Variants in JAKMIP1 observed in about 807,000 individuals in gnomAD.
The protein encoded by JAKMIP1 is janus kinase and microtubule-interacting protein 1.
JAKMIP1 carries 33 observed loss-of-function variants against 113.0 expected under a neutral mutation model. That is an observed-to-expected ratio of 0.29 (90% CI 0.22 to 0.39). JAKMIP1 has a LOEUF of 0.39. JAKMIP1 is among the 10% of genes least tolerant of loss of function. JAKMIP1 has a pLI of 1.00. For synonymous variants in JAKMIP1, 480 were observed against 459.9 expected, an observed-to-expected ratio of 1.04 and a Z score of -0.56; for missense variants, 813 against 1,080.5, an observed-to-expected ratio of 0.75 and a Z score of 3.47.
Position 6,106,300 on chromosome 4 carries a change from A to C in JAKMIP1, c.130-333T>G, listed in dbSNP as rs1358870441. 6.6e-6 allele frequency among the ~76,000 whole-genome samples: 1 copy of C among 152,172 alleles called. No homozygotes were observed. The highest frequency in any genetic ancestry group is 2.4e-5 in the African/African-American group (1 of 41,434). ...CAAAACACACCCTGCAGAAATCATC[A>C]CCAAGACCCAAAAGATTGTAAACCA... is the stretch of plus-strand genomic sequence containing the variant. On this transcript the variant is annotated intron_variant, in intron 2 of 20. Coordinates refer to ENST00000409021, the MANE Select transcript of JAKMIP1 (RefSeq NM_001099433.2). This position sits in a 1 kb window ranked among gnomAD's most constrained non-coding sequence, Gnocchi z 5.9.
chr4:6,145,098 A>G (rs1720666285), intron 1 of JAKMIP1, among the ~76,000 whole-genome samples: 1 of 152,226 alleles, frequency 6.6e-6, no homozygotes, highest in Non-Finnish European at 1.5e-5. Flanking sequence ...ACAACGTGAA[A>G]ATGAAATAAG....
At chr4:6,096,057 A>G (rs1211163436) in intron 3 of JAKMIP1, among the ~76,000 whole-genome samples, 1 of 152,184 alleles carries the variant, frequency 6.6e-6, no homozygotes, top group Non-Finnish European at 1.5e-5. Context: ...ACTCAGTGAG[A>G]AAGAACCAGC....
rs944210301 is a variant in JAKMIP1, at chr4:6,153,694, G to A, written c.-147-40697C>T. Among the ~76,000 whole-genome samples, 1 of 152,110 alleles carries A rather than the reference G, an allele frequency of 6.6e-6. No homozygotes were observed. Among genetic ancestry groups the A allele is most frequent in the African/African-American group, 2.4e-5 (1 of 41,414 alleles). ...CTTAGTACTTTTCTTTAACACTACT[G>A]ACTTTTGAAAAACCTGTACACTACT... On this transcript the variant is annotated intron_variant, in intron 1 of 20. Transcript: ENST00000409021. This position sits in a 1 kb window ranked among gnomAD's most constrained non-coding sequence, Gnocchi z 4.9.
rs1720141525 is a variant in JAKMIP1, at chr4:6,141,472, A to C, written c.-147-28475T>G. On this transcript the variant is annotated intron_variant, in intron 1 of 20. Transcript: ENST00000409021. This position sits in a 1 kb window ranked among gnomAD's most constrained non-coding sequence, Gnocchi z 9.4. ...ATAAATAAATACCAAAAAACAAACAAACAAACACAAAAAACAAAGTGGTAG... is the reference window on the plus strand; with the variant it reads ...ATAAATAAATACCAAAAAACAAACACACAAACACAAAAAACAAAGTGGTAG... 6.6e-6 allele frequency among the ~76,000 whole-genome samples: 1 copy of C among 152,176 alleles called. No individual in the cohort carries two copies. The highest frequency in any genetic ancestry group is 6.5e-5 in the Admixed American group (1 of 15,282).
chr4:6,112,071 T>C (rs569164491), intron 2 of JAKMIP1, among the ~76,000 whole-genome samples: 64 of 152,288 alleles, frequency 4.2e-4, no homozygotes, highest in African/African-American at 1.5e-3. Context: ...TTTTGGAATT[T>C]AGGAAAAGCT....
At position 6,142,134 on chromosome 4, in the gene JAKMIP1, T is replaced by C. The variant is rs1347713295; in HGVS notation, c.-147-29137A>G. 1.3e-5 allele frequency among the ~76,000 whole-genome samples: 2 copies of C among 151,862 alleles called. No homozygotes were observed. The highest frequency in any genetic ancestry group is 4.8e-5 in the African/African-American group (2 of 41,352). On this transcript the variant is annotated intron_variant, in intron 1 of 20. Transcript: ENST00000409021. The surrounding 1 kb of genome is among the most constrained non-coding windows in gnomAD (Gnocchi z 5.5). The stretch of plus-strand genomic sequence containing the variant: ...TCCTCTTCATATCATGAAATAAGAA[T>C]TTTCCAAGACGCTCTGAAGAGTGGT...
At chr4:6,068,276 T>G (rs1279529990) in intron 8 of JAKMIP1, among the ~76,000 whole-genome samples, 4 of 152,288 alleles carry the variant, frequency 2.6e-5, no homozygotes, top group South Asian at 4.1e-4. Context: ...TAGAGCAACC[T>G]TAGCAAACAG....
Position 6,076,418 on chromosome 4 carries a change from T to C in JAKMIP1, c.1302+2521A>G, listed in dbSNP as rs1205372782. The stretch of plus-strand genomic sequence containing the variant: ...TTTCTATATTATATATATATATGTC[T>C]TCTGTAGCTGTAAAATTGAAAAAAT... On this transcript the variant is annotated intron_variant, in intron 8 of 20. Transcript: ENST00000409021. This position sits in a 1 kb window ranked among gnomAD's most constrained non-coding sequence, Gnocchi z 4.8. Among the ~76,000 whole-genome samples, 6 of 152,128 alleles carry C rather than the reference T, an allele frequency of 3.9e-5. No homozygotes were observed. The highest frequency in any genetic ancestry group is 3.3e-4 in the Admixed American group (5 of 15,276).
chr4:6,042,431 T>C lies in JAKMIP1; in HGVS notation c.2029-204A>G, dbSNP rs1367684392. ...TCCAGCCTGCATGTGCAGGAGGTCT[T>C]AGGTGTGAGTGTGACATGTACGTGG... On this transcript the variant is annotated intron_variant, in intron 16 of 20. Transcript: ENST00000409021. The surrounding 1 kb of genome is among the most constrained non-coding windows in gnomAD (Gnocchi z 5.2). 2.0e-5 allele frequency among the ~76,000 whole-genome samples: 3 copies of C among 152,016 alleles called. No individual in the cohort carries two copies. The highest frequency in any genetic ancestry group is 2.9e-5 in the Non-Finnish European group (2 of 68,006).
chr4:6,089,226 T>C lies in JAKMIP1; in HGVS notation c.625-3597A>G, dbSNP rs559608017. 3.3e-4 allele frequency among the ~76,000 whole-genome samples: 50 copies of C among 152,348 alleles called. No homozygotes were observed. In the Middle Eastern group the frequency reaches 0.014, roughly 41 times the overall value. ...AACCTGGGATCCTGGATGACATCGTTAGTGCACCTGGAGCTGCACCTACAG... is the reference window on the plus strand; with the variant it reads ...AACCTGGGATCCTGGATGACATCGTCAGTGCACCTGGAGCTGCACCTACAG... On this transcript the variant is annotated intron_variant, in intron 3 of 20. Transcript: ENST00000409021. This position sits in a 1 kb window ranked among gnomAD's most constrained non-coding sequence, Gnocchi z 5.3.
intron 2 of JAKMIP1, among the ~76,000 whole-genome samples, chr4:6,111,833 C>G (rs1714986532): frequency 6.6e-6 from 1 of 152,214 alleles, no homozygotes; most frequent in African/African-American, 2.4e-5. Context: ...AGCTCTTTAC[C>G]TAGCAGAGCC....
At chr4:6,053,674 GT>G in intron 13 of JAKMIP1, 2 of 551,814 alleles carry the variant, frequency 3.6e-6, no homozygotes, top group African/African-American at 2.0e-5. Context: ...TTCCGTCTGG[GT>G]GTGCAGAATG....
At position 6,150,089 on chromosome 4, in the gene JAKMIP1, G is replaced by A. The variant is rs527563621; in HGVS notation, c.-147-37092C>T. Among the ~76,000 whole-genome samples, 42 of 152,282 alleles carry A rather than the reference G, an allele frequency of 2.8e-4. No homozygotes were observed. Among genetic ancestry groups the A allele is most frequent in the African/African-American group, 8.7e-4 (36 of 41,552 alleles). ...ACGCCTACAAGTTTGTGGAGCGCCT[G>A]CCATATGCCAAGCTCTGGGGAAGAA... On this transcript the variant is annotated intron_variant, in intron 1 of 20. Coordinates refer to ENST00000409021, the MANE Select transcript of JAKMIP1 (RefSeq NM_001099433.2). This position sits in a 1 kb window ranked among gnomAD's most constrained non-coding sequence, Gnocchi z 4.8.
At chr4:6,052,939 G>A (rs779350056) in intron 13 of JAKMIP1, among the ~76,000 whole-genome samples, 6 of 152,146 alleles carry the variant, frequency 3.9e-5, no homozygotes, top group African/African-American at 9.7e-5. Flanking sequence ...CTGCCCACAC[G>A]ACAAGGTACA....
intron 8 of JAKMIP1, among the ~76,000 whole-genome samples, chr4:6,071,740 G>C (rs1362437719): frequency 6.6e-6 from 1 of 152,198 alleles, no homozygotes; most frequent in Non-Finnish European, 1.5e-5. Flanking sequence ...GACCGGCACA[G>C]ACGGTGTGTG....
At chr4:6,027,436 G>A (rs6821790) in intron 20 of JAKMIP1, among the ~76,000 whole-genome samples, 16,982 of 152,208 alleles carry the variant, frequency 0.11, 1,040 homozygotes, top group African/African-American at 0.15. Context: ...GGAAGGATTC[G>A]TTAAGACCAT....
chr4:6,148,660 G>A (rs114189683), intron 1 of JAKMIP1, among the ~76,000 whole-genome samples: 1,780 of 152,362 alleles, frequency 0.012, 32 homozygotes, highest in African/African-American at 0.04. Flanking sequence ...GGCTGAGCCT[G>A]CAGGAGCCCC....
rs1282816906 is a variant in JAKMIP1, at chr4:6,193,842, T to C, written c.-148+6411A>G. 2.6e-5 allele frequency among the ~76,000 whole-genome samples: 4 copies of C among 151,958 alleles called. No individual in the cohort carries two copies. Among genetic ancestry groups the C allele is most frequent in the African/African-American group, 9.7e-5 (4 of 41,362 alleles). Reference sequence around the variant, plus strand: ...AGCAGCCAAAGCCCTGGGAAGAAAATGTTAACACCCTGAGCACTGCTTCCA... The same window carrying C: ...AGCAGCCAAAGCCCTGGGAAGAAAACGTTAACACCCTGAGCACTGCTTCCA... On this transcript the variant is annotated intron_variant, in intron 1 of 20. Transcript: ENST00000409021. The surrounding 1 kb of genome is among the most constrained non-coding windows in gnomAD (Gnocchi z 6.4).
rs1399118344 is a variant in JAKMIP1, at chr4:6,184,047, T to C, written c.-148+16206A>G. 1.3e-5 allele frequency among the ~76,000 whole-genome samples: 2 copies of C among 152,222 alleles called. No individual in the cohort carries two copies. Among genetic ancestry groups the C allele is most frequent in the Non-Finnish European group, 2.9e-5 (2 of 68,040 alleles). ...TGTCCTCACTGACTGACCTTATAAC[T>C]GGTAAATGTTGTCAGTTTAAAGTCA... On this transcript the variant is annotated intron_variant, in intron 1 of 20. Coordinates refer to ENST00000409021, the MANE Select transcript of JAKMIP1 (RefSeq NM_001099433.2). This position sits in a 1 kb window ranked among gnomAD's most constrained non-coding sequence, Gnocchi z 4.5.
Sources: allele counts gnomAD v4.1 joint callset (sites outside exome capture counted in the v4.1 genomes callset), GRCh38; gene constraint gnomAD v4.1.1; non-coding constraint Gnocchi (gnomAD v3.1); transcripts MANE v1.5; gene names NCBI Gene and HGNC (gene_info 2026-07-23, HGNC 2026-07-21).